NKAIN2: variants seen among roughly 807,000 people sequenced by gnomAD.
NKAIN2 encodes sodium/potassium-transporting ATPase subunit beta-1-interacting protein 2.
Under a neutral mutation model 32.6 loss-of-function variants are expected in NKAIN2, and 14 were observed. The ratio of observed to expected loss-of-function variants is 0.43; its 90% CI spans 0.28 to 0.67. The LOEUF is 0.67. Ranked by LOEUF, NKAIN2 falls within the 30% of genes least tolerant of loss-of-function variation. NKAIN2 has a pLI of 0.17. For synonymous variants in NKAIN2, 80 were observed against 87.2 expected (o/e 0.92, Z 0.46); for missense variants, 198 against 258.3 (o/e 0.77, Z 1.60).
chr6:124,555,139 C>T (rs149000093), intron 3 of NKAIN2, among the ~76,000 whole-genome samples: 61 of 152,264 alleles, frequency 4.0e-4, no homozygotes, highest in African/African-American at 1.3e-3. Flanking sequence ...TTTCTAGGCC[C>T]TTCCTGGGCT....
At chr6:124,799,464 C>T (rs1051499629) in intron 5 of NKAIN2, among the ~76,000 whole-genome samples, 14 of 152,136 alleles carry the variant, frequency 9.2e-5, no homozygotes, top group Non-Finnish European at 1.6e-4. Context: ...TTCACTCATA[C>T]ACATACACAC....
chr6:124,428,238 A>G (rs1316718096), intron 3 of NKAIN2, among the ~76,000 whole-genome samples: 1 of 152,188 alleles, frequency 6.6e-6, no homozygotes, highest in African/African-American at 2.4e-5. Flanking sequence ...GAGTTTTTAA[A>G]CATAGCTTTT....
At chr6:124,444,202 G>A (rs796859978) in intron 3 of NKAIN2, among the ~76,000 whole-genome samples, 16 of 152,074 alleles carry the variant, frequency 1.1e-4, no homozygotes, top group African/African-American at 3.6e-4. Flanking sequence ...ATGAATTATG[G>A]AATGTACTAG....
At chr6:124,626,729 C>A (rs979009782) in intron 3 of NKAIN2, among the ~76,000 whole-genome samples, 2 of 152,120 alleles carry the variant, frequency 1.3e-5, no homozygotes, top group African/African-American at 2.4e-5. Flanking sequence ...AGGGCCACCA[C>A]ATACACACTT....
At chr6:123,874,823 A>G (rs1400017706) in intron 1 of NKAIN2, among the ~76,000 whole-genome samples, 1 of 152,034 alleles carries the variant, frequency 6.6e-6, no homozygotes, top group Non-Finnish European at 1.5e-5. Flanking sequence ...TTGTAATCCC[A>G]CTGTCAGAAG....
chr6:124,034,595 C>A (rs749642031), intron 1 of NKAIN2, among the ~76,000 whole-genome samples: 15 of 152,056 alleles, frequency 9.9e-5, no homozygotes, highest in Admixed American at 2.6e-4. Context: ...ATGCAGATGT[C>A]TTTTTGATAG....
intron 3 of NKAIN2, among the ~76,000 whole-genome samples, chr6:124,497,730 T>TAA (rs373580318): frequency 7.2e-6 from 1 of 138,390 alleles, no homozygotes; most frequent in South Asian, 2.3e-4. Context: ...AAAGCTTACA[T>TAA]AAAAAAAAAC....
intron 2 of NKAIN2, among the ~76,000 whole-genome samples, chr6:124,331,846 T>C (rs1047125008): frequency 6.6e-6 from 1 of 152,190 alleles, no homozygotes; most frequent in Admixed American, 6.5e-5. Flanking sequence ...ACAATGGTTA[T>C]TTCTGGAGCC....
At chr6:124,520,020 C>G (rs566412991) in intron 3 of NKAIN2, among the ~76,000 whole-genome samples, 2 of 152,174 alleles carry the variant, frequency 1.3e-5, no homozygotes, top group African/African-American at 4.8e-5. Context: ...CAAACATGCT[C>G]GAGCAAGGTC....
chr6:123,926,080 C>T (rs1775991185), intron 1 of NKAIN2, among the ~76,000 whole-genome samples: 1 of 152,114 alleles, frequency 6.6e-6, no homozygotes, highest in African/African-American at 2.4e-5. Context: ...CTAATCCAAT[C>T]CATAAGGGCT....
chr6:124,222,070 G>A lies in NKAIN2; in HGVS notation c.55-60935G>A, dbSNP rs147866643. On this transcript the variant is annotated intron_variant, in intron 1 of 6. Transcript: ENST00000368417. Reference sequence around the variant, plus strand: ...AATATTTTCACCTTCTACCTATCCCGTAAAGGATGATCTGGATAGGCAGCT... The same window carrying A: ...AATATTTTCACCTTCTACCTATCCCATAAAGGATGATCTGGATAGGCAGCT... 1.8e-4 allele frequency among the ~76,000 whole-genome samples: 27 copies of A among 152,154 alleles called. 2 individuals are homozygous for A. The highest frequency in any genetic ancestry group is 1.2e-3 in the East Asian group (6 of 5,158).
intron 4 of NKAIN2, among the ~76,000 whole-genome samples, chr6:124,777,104 AAATAT>A (rs1469550510): frequency 6.6e-6 from 1 of 152,192 alleles, no homozygotes; most frequent in Non-Finnish European, 1.5e-5. Context: ...CTAAAGATTT[AAATAT>A]AAGAATTCTG....
chr6:124,807,837 C>T (rs962956399), intron 5 of NKAIN2, among the ~76,000 whole-genome samples: 5 of 150,632 alleles, frequency 3.3e-5, no homozygotes, highest in Admixed American at 2.0e-4. Context: ...AAACTACCGT[C>T]AGAGAATACT....
At chr6:124,216,005 C>G (rs945972123) in intron 1 of NKAIN2, among the ~76,000 whole-genome samples, 1 of 151,440 alleles carries the variant, frequency 6.6e-6, no homozygotes, top group Non-Finnish European at 1.5e-5. Context: ...GTAATCCCAG[C>G]TACTTGGGAG....
intron 1 of NKAIN2, among the ~76,000 whole-genome samples, chr6:124,226,725 T>C (rs1317060478): frequency 2.6e-5 from 4 of 152,144 alleles, no homozygotes; most frequent in East Asian, 1.9e-4. Flanking sequence ...CCAATCTCTT[T>C]ACTTTTTTGA....
intron 3 of NKAIN2, among the ~76,000 whole-genome samples, chr6:124,650,277 C>T (rs1784322267): frequency 6.6e-6 from 1 of 152,098 alleles, no homozygotes; most frequent in Non-Finnish European, 1.5e-5. Context: ...ACTCCTGTAG[C>T]TAGTAAGCAG....
At chr6:123,909,004 G>T (rs540850381) in intron 1 of NKAIN2, among the ~76,000 whole-genome samples, 1 of 152,274 alleles carries the variant, frequency 6.6e-6, no homozygotes, top group Admixed American at 6.5e-5. Context: ...CAGAAATTCA[G>T]CATGTGGAGA....
chr6:124,002,096 G>A (rs1346429892), intron 1 of NKAIN2, among the ~76,000 whole-genome samples: 2 of 151,924 alleles, frequency 1.3e-5, no homozygotes, highest in African/African-American at 4.8e-5. Flanking sequence ...TTCATATTTG[G>A]CTTTCAATAA....
Position 124,729,361 on chromosome 6 carries a change from T to C in NKAIN2, c.475-61978T>C, listed in dbSNP as rs1289774173. Among the ~76,000 whole-genome samples, 3 of 151,174 alleles carry C rather than the reference T, an allele frequency of 2.0e-5. No homozygotes were observed. In the East Asian group the frequency reaches 5.9e-4, roughly 30 times the overall value. On this transcript the variant is annotated intron_variant, in intron 4 of 6. Coordinates refer to ENST00000368417, the MANE Select transcript of NKAIN2 (RefSeq NM_001040214.3). ...AGCACATCAAAAAGCTTATCCACCA[T>C]GATCAAGTGGGCTTCATCCCTGGGA...
Sources: allele counts gnomAD v4.1 joint callset (sites outside exome capture counted in the v4.1 genomes callset), GRCh38; gene constraint gnomAD v4.1.1; transcripts MANE v1.5; gene names NCBI Gene and HGNC (gene_info 2026-07-23, HGNC 2026-07-21).